Variants in PCDHGA1 observed in about 807,000 individuals in gnomAD.
The protein encoded by PCDHGA1 is protocadherin gamma subfamily A, 1.
Under a neutral mutation model 58.0 loss-of-function variants are expected in PCDHGA1, and 32 were observed. That is an observed-to-expected ratio of 0.55 (90% CI 0.42 to 0.74). PCDHGA1 has a LOEUF of 0.74. PCDHGA1 is among the 30% of genes least tolerant of loss of function. The pLI is 0.00. For missense variants in PCDHGA1, 1,205 were observed against 1,182.3 expected (o/e 1.02, Z -0.28); for synonymous variants, 498 against 501.1 (o/e 0.99, Z 0.08).
chr5:141,404,466 TCTCTATTAA>T, intron 1 of PCDHGA1: 5 of 1,613,558 alleles, frequency 3.1e-6, no homozygotes, highest in Non-Finnish European at 4.2e-6. Context: ...TCCACCTATG[TCTCTATTAA>T]CTCAGACACT....
chr5:141,337,373 G>C (rs1330279391), intron 1 of PCDHGA1, among the ~76,000 whole-genome samples: 1 of 152,210 alleles, frequency 6.6e-6, no homozygotes, highest in Non-Finnish European at 1.5e-5. Flanking sequence ...AGTAACCCAA[G>C]TGTCCATTGA....
At position 141,498,920 on chromosome 5, in the gene PCDHGA1, G is replaced by A. The variant is rs930391165; in HGVS notation, c.2480+4055G>A. On this transcript the variant is annotated intron_variant, in intron 2 of 3. Transcript: ENST00000517417. ...TGCACTCCAGTCTGGGTGACAGAGC[G>A]AGACTCCATCAGGAAAGAAAGAAAG... 3.3e-4 allele frequency among the ~76,000 whole-genome samples: 47 copies of A among 142,950 alleles called. 1 individual carries two copies. Among genetic ancestry groups the A allele is most frequent in the African/African-American group, 8.9e-4 (35 of 39,160 alleles). The allele number at this position is 142,950 out of a possible 152,430, so 93.8% of individuals were successfully genotyped here. A position where few individuals can be genotyped will look rare whatever the true frequency, so the allele number is the denominator to read the frequency against.
intron 1 of PCDHGA1, chr5:141,375,706 T>C: frequency 6.2e-7 from 1 of 1,614,232 alleles, no homozygotes; most frequent in Non-Finnish European, 8.5e-7. Flanking sequence ...GGGACCCGCC[T>C]CTTAGCAGCA....
Position 141,490,413 on chromosome 5 carries a change from G to A in PCDHGA1, c.2422-4394G>A, listed in dbSNP as rs2233606. On this transcript the variant is annotated intron_variant, in intron 1 of 3. Transcript: ENST00000517417. The surrounding 1 kb of genome is among the most constrained non-coding windows in gnomAD (Gnocchi z 5.4). ...GTGAAGTGAGCCTTGATATCTCTCC[G>A]GACCTGCCATTTCAGATTAAGCCTT... 2.3e-3 allele frequency: 3,787 copies of A among 1,614,128 alleles called. 38 individuals are homozygous for A. In the African/African-American group the frequency reaches 0.027, roughly 12 times the overall value.
chr5:141,351,705 G>A (rs749976408), intron 1 of PCDHGA1: 2 of 1,613,926 alleles, frequency 1.2e-6, no homozygotes, highest in East Asian at 2.2e-5. Context: ...CCCAACGGCA[G>A]AGTCTCCTAC....
Position 141,330,846 on chromosome 5 carries a change from G to C in PCDHGA1, c.162G>C (p.Leu54=), listed in dbSNP as rs139081093. The C allele has an allele frequency of 1.9e-6, 3 of 1,614,096 alleles. No homozygotes were observed. The highest frequency in any genetic ancestry group is 2.5e-6 in the Non-Finnish European group (3 of 1,180,048). Residue 54 remains leucine (L), a synonymous_variant, in exon 1 of 4, where the codon CTG becomes CTC. Transcript: ENST00000517417. ...GCAACATCGCCAAGGACCTAGGGCT[G>C]CAACCCCAGGAGCTGGCAGATGGCG... ...FVGNIAKDLG[L]QPQELADGGV... is the part of the protein sequence containing the mutation.
intron 1 of PCDHGA1, chr5:141,385,109 C>A: frequency 6.2e-7 from 1 of 1,614,174 alleles, no homozygotes; most frequent in South Asian, 1.1e-5. Flanking sequence ...AACGTGCCCA[C>A]CTCGCACTTT....
chr5:141,370,026 T>G (rs969820845), intron 1 of PCDHGA1, among the ~76,000 whole-genome samples: 1 of 152,354 alleles, frequency 6.6e-6, no homozygotes, highest in Non-Finnish European at 1.5e-5. Context: ...ACTAAAGATA[T>G]AGTAAGTATA....
At position 141,490,221 on chromosome 5, in the gene PCDHGA1, G is replaced by A; in HGVS notation, c.2422-4586G>A. 6.2e-7 allele frequency: 1 copy of A among 1,614,236 alleles called. No individual in the cohort carries two copies. The highest frequency in any genetic ancestry group is 1.1e-5 in the South Asian group (1 of 91,084). ...ATGCAAGAGCCCGTGACCAGGGACAGCCTGCCATGGAGGGCCACTGTGTGA... is the reference window on the plus strand; with the variant it reads ...ATGCAAGAGCCCGTGACCAGGGACAACCTGCCATGGAGGGCCACTGTGTGA... On this transcript the variant is annotated intron_variant, in intron 1 of 3. Transcript: ENST00000517417. The surrounding 1 kb of genome is among the most constrained non-coding windows in gnomAD (Gnocchi z 5.4).
At chr5:141,391,974 C>T (rs2092450559) in intron 1 of PCDHGA1, 1 of 152,032 alleles carries the variant, frequency 6.6e-6, no homozygotes. Flanking sequence ...AATAAAATAG[C>T]AAAACAATGT....
intron 1 of PCDHGA1, chr5:141,394,857 G>A: frequency 6.2e-7 from 1 of 1,613,832 alleles, no homozygotes; most frequent in Non-Finnish European, 8.5e-7. Context: ...GAAGCCTTCG[G>A]TCGACCCGAA....
rs762314174 is a variant in PCDHGA1, at chr5:141,404,905, GCC to G, written c.2421+71804_2421+71805del. The G allele has an allele frequency of 1.9e-6, 3 of 1,613,910 alleles. No homozygotes were observed. In the South Asian group the frequency reaches 3.3e-5, roughly 18 times the overall value. On this transcript the variant is annotated intron_variant, in intron 1 of 3. Coordinates refer to ENST00000517417, the MANE Select transcript of PCDHGA1 (RefSeq NM_018912.3). ...TGGTGGCTGTACAGGACCATGGCCA[GCC>G]CCCTCTCTCGGCCACTGTCACGCTC...
rs1273620361 is a variant in PCDHGA1, at chr5:141,486,809, A to G, written c.2422-7998A>G. 1 of 1,614,106 alleles carries G rather than the reference A, an allele frequency of 6.2e-7. No homozygotes were observed. The highest frequency in any genetic ancestry group is 1.3e-5 in the African/African-American group (1 of 74,936). On this transcript the variant is annotated intron_variant, in intron 1 of 3. Coordinates refer to ENST00000517417, the MANE Select transcript of PCDHGA1 (RefSeq NM_018912.3). This position sits in a 1 kb window ranked among gnomAD's most constrained non-coding sequence, Gnocchi z 5.0. ...CCGGGATCGGGGCAACCCACCCCTT[A>G]GCAGCACTGTAACAGTTCGTCTATT...
intron 1 of PCDHGA1, among the ~76,000 whole-genome samples, chr5:141,358,289 G>T (rs1428102148): frequency 6.6e-6 from 1 of 152,214 alleles, no homozygotes; most frequent in Non-Finnish European, 1.5e-5. Context: ...GAAGGCAATT[G>T]TGTAAATTCA....
At chr5:141,430,979 C>A (rs370494413) in intron 1 of PCDHGA1, 2 of 1,613,642 alleles carry the variant, frequency 1.2e-6, no homozygotes, top group Non-Finnish European at 1.7e-6. Context: ...TAGGACGCAG[C>A]TTTTCGCCCT....
chr5:141,348,553 T>C lies in PCDHGA1; in HGVS notation c.2421+15448T>C, dbSNP rs138665460. Among the ~76,000 whole-genome samples the C allele has an allele frequency of 3.3e-5, 5 of 152,352 alleles. No individual in the cohort carries two copies. The East Asian group carries it at 9.6e-4, about 29-fold the overall frequency. On this transcript the variant is annotated intron_variant, in intron 1 of 3. Transcript: ENST00000517417. ...TCAAAGATAATTTCTAAGAATTCTA[T>C]ATGAAACATAGCCTACATATGTGTC...
chr5:141,450,207 A>AAGG (rs1164364390), intron 1 of PCDHGA1, among the ~76,000 whole-genome samples: 13 of 151,832 alleles, frequency 8.6e-5, no homozygotes, highest in Non-Finnish European at 1.8e-4. Flanking sequence ...TAGTAGAGAC[A>AAGG]AGGTTTCACT....
At chr5:141,339,752 A>T in intron 1 of PCDHGA1, 1 of 1,614,174 alleles carries the variant, frequency 6.2e-7, no homozygotes, top group Non-Finnish European at 8.5e-7. Context: ...GGGCACCCGG[A>T]TACTCACGGT....
Position 141,432,548 on chromosome 5 carries a change from G to T in PCDHGA1, c.2422-62259G>T, listed in dbSNP as rs1251651638. On this transcript the variant is annotated intron_variant, in intron 1 of 3. Coordinates refer to ENST00000517417, the MANE Select transcript of PCDHGA1 (RefSeq NM_018912.3). The surrounding 1 kb of genome is among the most constrained non-coding windows in gnomAD (Gnocchi z 6.0). ...GACCAAGGTGGTGGCGGTGGACAGA[G>T]ACTCCGGCCAGAACGCCTGGCTGTC... 1.9e-6 allele frequency: 3 copies of T among 1,613,998 alleles called. No homozygotes were observed. The South Asian group carries it at 3.3e-5, about 18-fold the overall frequency.
Sources: allele counts gnomAD v4.1 joint callset (sites outside exome capture counted in the v4.1 genomes callset), GRCh38; gene constraint gnomAD v4.1.1; non-coding constraint Gnocchi (gnomAD v3.1); transcripts MANE v1.5; gene names NCBI Gene and HGNC (gene_info 2026-07-23, HGNC 2026-07-21).